The following CDH15 variants were observed in gnomAD, a reference collection of about 807,000 sequenced individuals.
CDH15 encodes the protein cadherin 15.
A neutral mutation model predicts 69.4 loss-of-function variants in CDH15; 73 were observed. The observed-to-expected ratio is 1.05, with a 90% CI of 0.87 to 1.28. CDH15 has a LOEUF of 1.28. Among genes scored for constraint, CDH15 ranks in the 50% most tolerant of loss-of-function variants. The pLI is 0.00. For missense variants in CDH15, 1,343 were observed against 1,133.6 expected (o/e 1.18, Z -2.65); for synonymous variants, 624 against 507.7 (o/e 1.23, Z -3.08).
At chr16:89,185,512 G>A in intron 5 of CDH15, 179 bp downstream of exon 5, 1 of 772,590 alleles carries the variant, frequency 1.3e-6, no homozygotes. Flanking sequence ...TGCGCAGACA[G>A]GAGCCGCGCT....
At chr16:89,186,439 G>C (rs1433428391) in intron 5 of CDH15, among the ~76,000 whole-genome samples, 180 of 73,202 alleles carry the variant, frequency 2.5e-3, no homozygotes, top group Admixed American at 3.4e-3. Flanking sequence ...GCTCTGTAAA[G>C]GCTCACCCAG....
In CDH15 at chr16:89,180,229, C is replaced by T. The variant is rs139510554; in HGVS notation, c.231C>T (p.Ser77=). 1.1e-4 allele frequency: 185 copies of T among 1,610,620 alleles called. No homozygotes were observed. The African/African-American group carries it at 2.1e-3, about 18-fold the overall frequency. The change falls in exon 3 of 14, where the codon AGC becomes AGT. Residue 77 remains serine (S), a synonymous_variant. Transcript: ENST00000289746. ...AGTCGGACAAGCAGCAGCTGGGCAG[C>T]GTCATCTACAGCATCCAGGGACCCG... ...QIKSDKQQLG[S]VIYSIQGPGV...
rs758566450 is a variant in CDH15, at chr16:89,185,129, C to T, written c.503-44C>T. The stretch of plus-strand genomic sequence containing the variant: ...GCCCCTCACAATGCCCCCAGCCCAT[C>T]GGCCCTGTGGACGTTGGCCCTCACG... On this transcript the variant is annotated intron_variant, in intron 4 of 13. Transcript: ENST00000289746. 19 of 1,548,898 alleles carry T rather than the reference C, an allele frequency of 1.2e-5. No individual in the cohort carries two copies. In the East Asian group the frequency reaches 1.4e-4, roughly 12 times the overall value.
rs1248286396 is a variant in CDH15, at chr16:89,193,355, A to AC, written c.1856-111dup. ...CCCCAACTGCCGCCCCCTCAACCCCACCCCTGCTTACCAGCCTTGCCCCGC... is the reference window on the plus strand; with the variant it reads ...CCCCAACTGCCGCCCCCTCAACCCCACCCCCTGCTTACCAGCCTTGCCCCGC... On this transcript the variant is annotated intron_variant, in intron 11 of 13. Transcript: ENST00000289746. The AC allele has an allele frequency of 5.0e-5, 12 of 241,400 alleles. No individual in the cohort carries two copies. The Admixed American group carries it at 9.6e-4, about 19-fold the overall frequency. The allele number at this position is 241,400 out of a possible 1,614,324, so 15.0% of individuals were successfully genotyped here. A position where few individuals can be genotyped will look rare whatever the true frequency, so the allele number is the denominator to read the frequency against.
At chr16:89,193,371 C>CA in intron 11 of CDH15, 99 bp from the exon 12 acceptor site, 2 of 730,412 alleles carry the variant, frequency 2.7e-6, no homozygotes, top group East Asian at 3.2e-5. Context: ...GCTTACCAGC[C>CA]TTGCCCCGCC....
In CDH15 at chr16:89,185,288, GC is replaced by G. The variant is rs767814403; in HGVS notation, c.619del (p.Leu207SerfsTer22). 5 of 1,606,282 alleles carry G rather than the reference GC, an allele frequency of 3.1e-6. No homozygotes were observed. The highest frequency in any genetic ancestry group is 4.2e-6 in the Non-Finnish European group (5 of 1,176,758). The stretch of plus-strand genomic sequence containing the variant: ...GCCCCGAGCTCTTCAGCATCGACGA[GC>G]TCACAGGAGAGATCCGCACAGTGCA... ...GSPELFSIDELTGEIRTVQVG... is the reference protein window; with the variant it reads ...GSPELFSIDEXTGEIRTVQVG... On this transcript the variant is annotated frameshift_variant, in exon 5 of 14. Coordinates refer to ENST00000289746, the MANE Select transcript of CDH15 (RefSeq NM_004933.3). LOFTEE classifies it high-confidence loss of function.
At chr16:89,183,271 C>A (rs75216114) in intron 3 of CDH15, 7 of 463,710 alleles carry the variant, frequency 1.5e-5, no homozygotes, top group African/African-American at 1.2e-4. Flanking sequence ...CCTCTGAGAG[C>A]CTTACTTTAG....
chr16:89,188,424 C>G, intron 7 of CDH15, 139 bp downstream of exon 7: 1 of 628,580 alleles, frequency 1.6e-6, no homozygotes, highest in Non-Finnish European at 2.9e-6. Context: ...ACACAGATGC[C>G]CACACACAGA....
At chr16:89,185,872 C>T (rs1915471653) in intron 5 of CDH15, 1 of 209,298 alleles carries the variant, frequency 4.8e-6, no homozygotes, top group South Asian at 6.9e-5. Flanking sequence ...TTACCCAGCG[C>T]ACAGTAGGTG....
chr16:89,191,200 A>G, intron 8 of CDH15, 130 bp from the exon 9 acceptor site: 3 of 1,006,744 alleles, frequency 3.0e-6, no homozygotes, highest in East Asian at 4.9e-5. Flanking sequence ...TGTTGTGTGC[A>G]TGTGTGCATG....
rs761085530 is a variant in CDH15 at position 89,193,763 on chromosome 16, C to G, written c.2001C>G (p.Tyr667Ter). 6.2e-7 allele frequency: 1 copy of G among 1,603,716 alleles called. No homozygotes were observed. Among genetic ancestry groups the G allele is most frequent in the African/African-American group, 1.3e-5 (1 of 74,722 alleles). Residue 667 changes from tyrosine to a stop codon, truncating the protein, a stop_gained, in exon 13 of 14, where the codon TAC becomes TAG. Coordinates refer to ENST00000289746, the MANE Select transcript of CDH15 (RefSeq NM_004933.3). LOFTEE classifies it high-confidence loss of function. ...CACCTCCTCGCCCACAGGACGCCTACGACATCAGCCAGCTGCGTCACCCGA... is the reference window on the plus strand; with the variant it reads ...CACCTCCTCGCCCACAGGACGCCTAGGACATCAGCCAGCTGCGTCACCCGA... ...QGGGEEDQDA[Y>*]DISQLRHPTA... is the part of the protein sequence containing the mutation.
In CDH15 at chr16:89,191,804, G is replaced by T; in HGVS notation, c.1525G>T (p.Asp509Tyr). The T allele has an allele frequency of 6.2e-7, 1 of 1,605,600 alleles. No individual in the cohort carries two copies. Among genetic ancestry groups the T allele is most frequent in the South Asian group, 1.1e-5 (1 of 90,998 alleles). The change falls in exon 10 of 14, where the codon GAC becomes TAC. Residue 509 changes from aspartate (D) to tyrosine (Y), a missense_variant. Asp to Tyr is a radical substitution (Grantham distance 160, BLOSUM62 -3). Coordinates refer to ENST00000289746, the MANE Select transcript of CDH15 (RefSeq NM_004933.3). Reference protein sequence around the residue: ...PGLLLGATDEDLPPHGAPFHF... With the variant: ...PGLLLGATDEYLPPHGAPFHF... ...CCTCCTCCTGGGCGCCACGGATGAGGACCTGCCCCCCCACGGGGCCCCCTT... is the reference window on the plus strand; with the variant it reads ...CCTCCTCCTGGGCGCCACGGATGAGTACCTGCCCCCCCACGGGGCCCCCTT...
intron 3 of CDH15, among the ~76,000 whole-genome samples, chr16:89,181,937 CA>C (rs762790930): frequency 3.0e-4 from 28 of 92,878 alleles, no homozygotes; most frequent in South Asian, 7.3e-4. Flanking sequence ...GACTCTGTCT[CA>C]AAAAAAAAAA....
chr16:89,194,753 C>G (rs1320815383), intron 13 of CDH15, 109 bp from the exon 14 acceptor site: 1 of 1,133,744 alleles, frequency 8.8e-7, no homozygotes, highest in Non-Finnish European at 1.3e-6. Context: ...GGGCAGCTTC[C>G]CCTTCCTGAG....
intron 8 of CDH15, 48 bp downstream of exon 8, chr16:89,190,544 A>G: frequency 6.4e-7 from 1 of 1,557,412 alleles, no homozygotes; most frequent in South Asian, 1.2e-5. Context: ...TAACGGCCCC[A>G]TTCCTGCTTC....
chr16:89,188,786 C>CGG (rs1915559930), intron 7 of CDH15, among the ~76,000 whole-genome samples: 2 of 133,720 alleles, frequency 1.5e-5, no homozygotes, highest in African/African-American at 2.9e-5. Context: ...ACACAGATGC[C>CGG]CACGCACAGG....
At chr16:89,178,210 G>A (rs1915298382) in intron 1 of CDH15, among the ~76,000 whole-genome samples, 1 of 152,148 alleles carries the variant, frequency 6.6e-6, no homozygotes, top group African/African-American at 2.4e-5. Flanking sequence ...GGGAGAATTT[G>A]GGGGCAGCCA....
rs767586241 is a variant in CDH15 at position 89,180,374 on chromosome 16, G to C, written c.357+19G>C. The stretch of plus-strand genomic sequence containing the variant: ...CTTCAGGGTGCGGAGCTGCGTGGTC[G>C]GACCTGTGCCCCTCAAGCAGGCCTG... On this transcript the variant is annotated intron_variant, in intron 3 of 13. Transcript: ENST00000289746. 8 of 1,607,784 alleles carry C rather than the reference G, an allele frequency of 5.0e-6. No homozygotes were observed. The highest frequency in any genetic ancestry group is 4.0e-5 in the African/African-American group (3 of 74,796).
chr16:89,177,320 C>T (rs914060265), intron 1 of CDH15, among the ~76,000 whole-genome samples: 1 of 152,118 alleles, frequency 6.6e-6, no homozygotes, highest in Non-Finnish European at 1.5e-5. Flanking sequence ...ACACATGGGG[C>T]CTTAACCACA....
Sources: allele counts gnomAD v4.1 joint callset (sites outside exome capture counted in the v4.1 genomes callset), GRCh38; gene constraint gnomAD v4.1.1; transcripts MANE v1.5; gene names NCBI Gene and HGNC (gene_info 2026-07-23, HGNC 2026-07-21).